ADAMTSL1: variants seen among roughly 807,000 people sequenced by gnomAD.
ADAMTSL1 encodes ADAMTS like 1.
ADAMTSL1 carries 126 observed loss-of-function variants against 201.8 expected under a neutral mutation model. The observed-to-expected ratio is 0.62, with a 90% CI of 0.54 to 0.72. ADAMTSL1 has a LOEUF of 0.72. Ranked by LOEUF, ADAMTSL1 falls within the 30% of genes least tolerant of loss-of-function variation. ADAMTSL1 has a pLI of 0.00. For synonymous variants in ADAMTSL1, 1,121 were observed against 903.4 expected (o/e 1.24, Z -4.32); for missense variants, 2,679 against 2,277.8 (o/e 1.18, Z -3.59).
At chr9:18,597,435 T>C (rs1266270070) in intron 4 of ADAMTSL1, among the ~76,000 whole-genome samples, 1 of 152,222 alleles carries the variant, frequency 6.6e-6, no homozygotes, top group East Asian at 1.9e-4. Context: ...GCTTATCAAG[T>C]TGTTGACCCT....
At chr9:18,597,354 A>T (rs910988836) in intron 4 of ADAMTSL1, among the ~76,000 whole-genome samples, 1 of 152,196 alleles carries the variant, frequency 6.6e-6, no homozygotes, top group Non-Finnish European at 1.5e-5. Context: ...CTTATTTACC[A>T]TGGCTTAGGA....
intron 23 of ADAMTSL1, among the ~76,000 whole-genome samples, chr9:18,854,840 A>G (rs1826742941): frequency 6.6e-6 from 1 of 152,240 alleles, no homozygotes; most frequent in Admixed American, 6.5e-5. Context: ...CATAGGAATC[A>G]TTAAATCTAT....
intron 2 of ADAMTSL1, among the ~76,000 whole-genome samples, chr9:18,331,135 A>T (rs1449849662): frequency 6.6e-6 from 1 of 152,176 alleles, no homozygotes; most frequent in Non-Finnish European, 1.5e-5. Flanking sequence ...ACAAAGGTGT[A>T]AGACAAAGGA....
At chr9:18,564,825 A>G (rs1821772945) in intron 3 of ADAMTSL1, among the ~76,000 whole-genome samples, 1 of 152,198 alleles carries the variant, frequency 6.6e-6, no homozygotes, top group Non-Finnish European at 1.5e-5. Context: ...GAATTCAAAG[A>G]AAGGGACTAA....
intron 3 of ADAMTSL1, among the ~76,000 whole-genome samples, chr9:18,544,603 G>A (rs1415701407): frequency 1.3e-5 from 2 of 152,156 alleles, no homozygotes; most frequent in African/African-American, 4.8e-5. Context: ...ATATGAGCTG[G>A]CATTCCTGGC....
intron 1 of ADAMTSL1, among the ~76,000 whole-genome samples, chr9:18,142,000 G>T (rs1194416232): frequency 6.6e-6 from 1 of 152,162 alleles, no homozygotes; most frequent in Non-Finnish European, 1.5e-5. Flanking sequence ...GTATCACCTG[G>T]GATGGCCCAA....
In ADAMTSL1 at chr9:18,494,832, A is replaced by G. The variant is rs966186477; in HGVS notation, c.64-9997A>G. ...TCTGAGAGTTCATAGCCCACCTGGC[A>G]TTTATTAACACTACTAGGTCCCATC... On this transcript the variant is annotated intron_variant, in intron 1 of 28. Transcript: ENST00000380548. 3.9e-5 allele frequency among the ~76,000 whole-genome samples: 6 copies of G among 152,200 alleles called. 1 individual carries two copies. Among genetic ancestry groups the G allele is most frequent in the Non-Finnish European group, 8.8e-5 (6 of 68,036 alleles).
At position 18,639,408 on chromosome 9, in the gene ADAMTSL1, C is replaced by A; in HGVS notation, c.831C>A (p.Val277=). ...GACCACTCACAGCAGATTTCATTGTCAAGGTGAGCCCTATTTAGATACCTC... is the reference window on the plus strand; with the variant it reads ...GACCACTCACAGCAGATTTCATTGTAAAGGTGAGCCCTATTTAGATACCTC... ...MAGPLTADFI[V]KIRNSGSADS... is the part of the protein sequence containing the mutation. Residue 277 remains valine, a synonymous_variant, in exon 7 of 29, where the codon GTC becomes GTA. Transcript: ENST00000380548. The A allele has an allele frequency of 6.2e-7, 1 of 1,612,020 alleles. No homozygotes were observed. Among genetic ancestry groups the A allele is most frequent in the Non-Finnish European group, 8.5e-7 (1 of 1,178,742 alleles).
At chr9:18,120,532 AG>A (rs1175727551) in intron 1 of ADAMTSL1, among the ~76,000 whole-genome samples, 1 of 152,208 alleles carries the variant, frequency 6.6e-6, no homozygotes, top group African/African-American at 2.4e-5. Flanking sequence ...TTTATGAATT[AG>A]GCTGTAGTCA....
At chr9:18,236,320 C>T (rs983579772) in intron 2 of ADAMTSL1, among the ~76,000 whole-genome samples, 2 of 152,170 alleles carry the variant, frequency 1.3e-5, no homozygotes, top group African/African-American at 4.8e-5. Context: ...GTGAACCACC[C>T]ACCTCAGCCT....
At chr9:18,580,399 T>C (rs1206273788) in intron 4 of ADAMTSL1, among the ~76,000 whole-genome samples, 1 of 152,216 alleles carries the variant, frequency 6.6e-6, no homozygotes, top group Non-Finnish European at 1.5e-5. Context: ...TAGTATCAAA[T>C]GTCCACCAGT....
chr9:18,589,551 T>C (rs148413961), intron 4 of ADAMTSL1, among the ~76,000 whole-genome samples: 2,684 of 152,284 alleles, frequency 0.018, 83 homozygotes, highest in African/African-American at 0.062. Flanking sequence ...CCTTTACAAT[T>C]TAGATGCCCT....
intron 1 of ADAMTSL1, among the ~76,000 whole-genome samples, chr9:18,159,245 GAA>G (rs766318086): frequency 6.6e-6 from 1 of 151,824 alleles, no homozygotes; most frequent in Non-Finnish European, 1.5e-5. Flanking sequence ...CTTTTGGTAG[GAA>G]AAAAATTTTT....
At chr9:17,960,361 C>T (rs13287606) in intron 1 of ADAMTSL1, among the ~76,000 whole-genome samples, 16,587 of 152,104 alleles carry the variant, frequency 0.11, 1,057 homozygotes, top group South Asian at 0.21. Context: ...TATTCCACAT[C>T]GCTAATTTCC....
intron 2 of ADAMTSL1, among the ~76,000 whole-genome samples, chr9:18,426,772 T>G (rs1372674082): frequency 7.9e-5 from 12 of 152,304 alleles, no homozygotes; most frequent in African/African-American, 2.6e-4. Context: ...GCAACTTGAC[T>G]AGCTGAATTC....
In ADAMTSL1 at chr9:18,818,926, T is replaced by G. The variant is rs1366600240; in HGVS notation, c.3934+1689T>G. On this transcript the variant is annotated intron_variant, in intron 21 of 28. Transcript: ENST00000380548. ...CAGTGAAATCTAGAACCAAGTCCCT[T>G]CAGCCCCTGTACTCCTAGATAGGGA... Among the ~76,000 whole-genome samples, 5 of 152,152 alleles carry G rather than the reference T, an allele frequency of 3.3e-5. 1 individual carries two copies. The highest frequency in any genetic ancestry group is 3.3e-4 in the Admixed American group (5 of 15,268).
chr9:18,221,442 T>G (rs1830257128), intron 2 of ADAMTSL1, among the ~76,000 whole-genome samples: 1 of 152,216 alleles, frequency 6.6e-6, no homozygotes, highest in Admixed American at 6.5e-5. Context: ...TGAAACATCT[T>G]ATTTATCCTT....
At chr9:18,405,942 A>G (rs546702512) in intron 2 of ADAMTSL1, among the ~76,000 whole-genome samples, 5 of 152,340 alleles carry the variant, frequency 3.3e-5, no homozygotes, top group South Asian at 4.1e-4. Context: ...AGAGAAACCT[A>G]TAGATAAGTT....
Position 18,892,490 on chromosome 9 carries a change from C to T in ADAMTSL1, c.4745C>T (p.Thr1582Ile), listed in dbSNP as rs1465689904. 3 of 1,609,798 alleles carry T rather than the reference C, an allele frequency of 1.9e-6. No homozygotes were observed. Among genetic ancestry groups the T allele is most frequent in the Non-Finnish European group, 2.5e-6 (3 of 1,178,212 alleles). The change falls in exon 26 of 29, where the codon ACC becomes ATC. Residue 1582 changes from threonine (T) to isoleucine (I), a missense_variant. Physicochemically the swap from Thr to Ile is moderately conservative, Grantham distance 89. Transcript: ENST00000380548. ...CQKLKASGISTPVSNDMCTQV... is the reference protein window; with the variant it reads ...CQKLKASGISIPVSNDMCTQV... ...AAGCTGAAAGCCTCTGGGATCTCCA[C>T]CCCTGTGTCCAATGACATGTGCACC...
Sources: allele counts gnomAD v4.1 joint callset (sites outside exome capture counted in the v4.1 genomes callset), GRCh38; gene constraint gnomAD v4.1.1; transcripts MANE v1.5; gene names NCBI Gene and HGNC (gene_info 2026-07-23, HGNC 2026-07-21).